DYNC1I1: variants seen among roughly 807,000 people sequenced by gnomAD.
DYNC1I1 encodes the protein dynein cytoplasmic 1 intermediate chain 1.
Under a neutral mutation model 86.6 loss-of-function variants are expected in DYNC1I1, and 43 were observed. The observed-to-expected ratio is 0.50, with a 90% confidence interval of 0.39 to 0.64. The LOEUF (loss-of-function observed/expected upper bound fraction) is 0.64, where lower values mean the gene tolerates loss of function less well. Among genes scored for constraint, DYNC1I1 ranks in the 30% least tolerant of loss-of-function variants. The pLI, the probability that DYNC1I1 is intolerant of heterozygous loss-of-function variation, is 0.00. For missense variants in DYNC1I1, 604 were observed against 788.8 expected, an observed-to-expected ratio of 0.77 and a Z score of 2.81; for synonymous variants, 262 against 283.7, an observed-to-expected ratio of 0.92 and a Z score of 0.77.
chr7:95,958,193 C>T lies in DYNC1I1; in HGVS notation c.491-19319C>T, dbSNP rs116472003. Among the ~76,000 whole-genome samples the T allele has an allele frequency of 8.2e-3, 1,245 of 152,252 alleles. 14 individuals are homozygous for T. The highest frequency in any genetic ancestry group is 0.029 in the African/African-American group (1,189 of 41,542). ...GTTGAGAACCAGAACCATAGAAAGA[C>T]TCTCAAAGGATTCTAGATGTGCCAT... On this transcript the variant is annotated intron_variant, in intron 6 of 16. Transcript: ENST00000447467.
chr7:96,010,483 G>A (rs556590034), intron 10 of DYNC1I1, among the ~76,000 whole-genome samples: 29 of 152,300 alleles, frequency 1.9e-4, no homozygotes, highest in South Asian at 2.1e-4. Context: ...TAGAAGCCTC[G>A]CTTTTCCTCA....
Position 95,877,472 on chromosome 7 carries a change from C to T in DYNC1I1, c.490+7474C>T, listed in dbSNP as rs12670795. ...AGAAAGAAGTGTGCCATTGTCCCCTCCCCCAGCTCCAGAATCTTGGTGCAA... is the reference window on the plus strand; with the variant it reads ...AGAAAGAAGTGTGCCATTGTCCCCTTCCCCAGCTCCAGAATCTTGGTGCAA... On this transcript the variant is annotated intron_variant, in intron 6 of 16. Transcript: ENST00000447467. Among the ~76,000 whole-genome samples, 963 of 152,272 alleles carry T rather than the reference C, an allele frequency of 6.3e-3. 20 individuals carry two copies. The highest frequency in any genetic ancestry group is 0.027 in the East Asian group (138 of 5,172).
chr7:95,937,908 A>C (rs1375940009), intron 6 of DYNC1I1, among the ~76,000 whole-genome samples: 1 of 152,056 alleles, frequency 6.6e-6, no homozygotes, highest in Non-Finnish European at 1.5e-5. Context: ...TGTATGTATA[A>C]TATATACTTA....
intron 6 of DYNC1I1, among the ~76,000 whole-genome samples, chr7:95,944,376 A>T (rs536641171): frequency 6.6e-6 from 1 of 152,324 alleles, no homozygotes; most frequent in East Asian, 1.9e-4. Flanking sequence ...AGGAAACAAC[A>T]GGTGCTGGAG....
At chr7:95,959,962 T>C (rs1172635244) in intron 6 of DYNC1I1, among the ~76,000 whole-genome samples, 1 of 152,210 alleles carries the variant, frequency 6.6e-6, no homozygotes, top group African/African-American at 2.4e-5. Context: ...GTAGATTAAA[T>C]GGTTGAAATA....
intron 6 of DYNC1I1, among the ~76,000 whole-genome samples, chr7:95,932,305 G>A (rs575675555): frequency 6.9e-4 from 105 of 152,246 alleles, no homozygotes; most frequent in African/African-American, 2.4e-3. Flanking sequence ...ACACACTATG[G>A]CGGCACATTT....
At chr7:95,921,188 A>G (rs1021975611) in intron 6 of DYNC1I1, among the ~76,000 whole-genome samples, 1 of 152,188 alleles carries the variant, frequency 6.6e-6, no homozygotes, top group Admixed American at 6.6e-5. Flanking sequence ...CTTTGAGGTG[A>G]AAAAACGACT....
rs774931974 is a variant in DYNC1I1, at chr7:96,080,470, G to T, written c.1758G>T (p.Trp586Cys). Residue 586 changes from tryptophan (W) to cysteine (C), a missense_variant, in exon 16 of 17, where the codon TGG becomes TGT. Coordinates refer to ENST00000447467, the MANE Select transcript of DYNC1I1 (RefSeq NM_001135556.2). ...TTGGGGACTCGGAAGGCCGTATTTG[G>T]GTCTATGACGTTGGAGAGGTACGTG... is the stretch of plus-strand genomic sequence containing the variant. ...VAVGDSEGRIWVYDVGELAVP... is the reference protein window; with the variant it reads ...VAVGDSEGRICVYDVGELAVP... 63 of 1,613,986 alleles carry T rather than the reference G, an allele frequency of 3.9e-5. No individual in the cohort carries two copies. Among genetic ancestry groups the T allele is most frequent in the Non-Finnish European group, 5.3e-5 (63 of 1,180,024 alleles).
intron 14 of DYNC1I1, among the ~76,000 whole-genome samples, chr7:96,039,744 C>T (rs1788978831): frequency 6.6e-6 from 1 of 152,122 alleles, no homozygotes; most frequent in Non-Finnish European, 1.5e-5. Context: ...CAGTCCCCTC[C>T]CCAGGGGTAA....
chr7:95,839,781 T>A (rs904981965), intron 5 of DYNC1I1, among the ~76,000 whole-genome samples: 4 of 152,138 alleles, frequency 2.6e-5, no homozygotes, highest in Admixed American at 2.0e-4. Context: ...TTAGCTTTTG[T>A]TTGTCTGAGA....
At chr7:95,898,469 CT>C (rs1410035691) in intron 6 of DYNC1I1, among the ~76,000 whole-genome samples, 1 of 152,108 alleles carries the variant, frequency 6.6e-6, no homozygotes, top group Non-Finnish European at 1.5e-5. Context: ...CATATAACAT[CT>C]TGGGGTGATT....
intron 5 of DYNC1I1, among the ~76,000 whole-genome samples, chr7:95,838,143 T>G (rs1042223162): frequency 1.3e-5 from 2 of 152,232 alleles, no homozygotes; most frequent in Non-Finnish European, 2.9e-5. Flanking sequence ...TTACATTTTC[T>G]TTTAGGAGTT....
At chr7:95,829,548 G>A (rs186039932) in intron 5 of DYNC1I1, among the ~76,000 whole-genome samples, 2 of 152,122 alleles carry the variant, frequency 1.3e-5, no homozygotes, top group African/African-American at 4.8e-5. Flanking sequence ...ACAGGCAGGG[G>A]AAAGAACTGG....
intron 6 of DYNC1I1, among the ~76,000 whole-genome samples, chr7:95,960,845 G>T (rs535307665): frequency 6.6e-6 from 1 of 152,286 alleles, no homozygotes; most frequent in African/African-American, 2.4e-5. Flanking sequence ...GTTCAGCATC[G>T]TCTAGACCTG....
chr7:95,791,527 A>G (rs1162125769), intron 1 of DYNC1I1, among the ~76,000 whole-genome samples: 1 of 152,262 alleles, frequency 6.6e-6, no homozygotes, highest in African/African-American at 2.4e-5. Flanking sequence ...CAGAGAAAAC[A>G]GCTCCAAGCG....
chr7:95,979,379 G>A (rs886149462), intron 7 of DYNC1I1, among the ~76,000 whole-genome samples: 5 of 152,114 alleles, frequency 3.3e-5, no homozygotes, highest in African/African-American at 1.2e-4. Context: ...AACTCAACAG[G>A]GCTAGTATGG....
At chr7:96,056,850 C>T (rs1239060148) in intron 14 of DYNC1I1, among the ~76,000 whole-genome samples, 2 of 152,048 alleles carry the variant, frequency 1.3e-5, no homozygotes, top group South Asian at 2.1e-4. Context: ...GCATATATGG[C>T]ATGTGAAGTT....
At chr7:95,807,513 C>T (rs1373751442) in intron 2 of DYNC1I1, among the ~76,000 whole-genome samples, 1 of 152,122 alleles carries the variant, frequency 6.6e-6, no homozygotes, top group Non-Finnish European at 1.5e-5. Context: ...TTTTTGCCTC[C>T]ATTTTTTTTC....
At chr7:95,975,351 G>C (rs577909734) in intron 6 of DYNC1I1, among the ~76,000 whole-genome samples, 1 of 152,230 alleles carries the variant, frequency 6.6e-6, no homozygotes, top group Non-Finnish European at 1.5e-5. Context: ...TGTGGGCTTG[G>C]TTCCTTCTGA....
Sources: allele counts gnomAD v4.1 joint callset (sites outside exome capture counted in the v4.1 genomes callset), GRCh38; gene constraint gnomAD v4.1.1; transcripts MANE v1.5; gene names NCBI Gene and HGNC (gene_info 2026-07-23, HGNC 2026-07-21).